The following ARMC8 variants were observed in gnomAD, a reference collection of about 807,000 sequenced individuals.
ARMC8 encodes armadillo repeat-containing protein 8.
ARMC8 carries 20 observed loss-of-function variants against 99.3 expected under a neutral mutation model. The ratio of observed to expected loss-of-function variants is 0.20; its 90% CI spans 0.14 to 0.29. The LOEUF is 0.29. ARMC8 is among the 10% of genes least tolerant of loss of function. The probability of loss-of-function intolerance (pLI) is 1.00; values close to 1 mark genes in which losing one functional copy is unlikely to be tolerated. For synonymous variants in ARMC8, 263 were observed against 278.3 expected (o/e 0.95, Z 0.55); for missense variants, 569 against 809.5 (o/e 0.70, Z 3.60).
At chr3:138,233,871 T>C (rs1284836148) in intron 6 of ARMC8, among the ~76,000 whole-genome samples, 2 of 152,216 alleles carry the variant, frequency 1.3e-5, no homozygotes, top group Non-Finnish European at 2.9e-5. Flanking sequence ...GCATGAAATA[T>C]CATCCCTGTG....
At position 138,268,584 on chromosome 3, in the gene ARMC8, C is replaced by T. The variant is rs181943799; in HGVS notation, c.1386+1343C>T. 1.6e-4 allele frequency among the ~76,000 whole-genome samples: 24 copies of T among 152,138 alleles called. No individual in the cohort carries two copies. In the Middle Eastern group the frequency reaches 0.01, roughly 65 times the overall value. On this transcript the variant is annotated intron_variant, in intron 15 of 21. Coordinates refer to ENST00000469044, the MANE Select transcript of ARMC8 (RefSeq NM_001363941.2). Reference sequence around the variant, plus strand: ...TTATATTGAAAAATTAACTCCCAACCGGGGCAACATAGCAAGACCTTGTCT... The same window carrying T: ...TTATATTGAAAAATTAACTCCCAACTGGGGCAACATAGCAAGACCTTGTCT...
intron 1 of ARMC8, among the ~76,000 whole-genome samples, chr3:138,200,615 A>G (rs1007731292): frequency 6.6e-6 from 1 of 152,030 alleles, no homozygotes; most frequent in African/African-American, 2.4e-5. Context: ...GTGACAGCCA[A>G]AATCATGTTT....
At chr3:138,206,842 C>T (rs2108013858) in intron 1 of ARMC8, among the ~76,000 whole-genome samples, 1 of 152,318 alleles carries the variant, frequency 6.6e-6, no homozygotes, top group South Asian at 2.1e-4. Context: ...AGCTTGCTTG[C>T]TGTCTGAGCA....
intron 9 of ARMC8, 170 bp from the exon 10 acceptor site, chr3:138,239,298 G>A (rs2046486849): frequency 3.8e-6 from 2 of 523,236 alleles, no homozygotes; most frequent in Non-Finnish European, 6.8e-6. Flanking sequence ...AGTTTTCTTT[G>A]ACTATTAAAT....
At chr3:138,265,862 T>C (rs756453676) in intron 14 of ARMC8, among the ~76,000 whole-genome samples, 3 of 152,158 alleles carry the variant, frequency 2.0e-5, no homozygotes, top group Non-Finnish European at 4.4e-5. Flanking sequence ...ACAGAGTATA[T>C]GATTTATGTG....
intron 14 of ARMC8, among the ~76,000 whole-genome samples, 159 bp downstream of exon 14, chr3:138,264,371 T>G (rs1401031572): frequency 1.3e-5 from 2 of 151,190 alleles, no homozygotes; most frequent in Non-Finnish European, 3.0e-5. Context: ...CATCTACAAA[T>G]GCTTCATGTG....
At chr3:138,289,167 G>T (rs771630214) in intron 20 of ARMC8, 47 bp downstream of exon 20, 1 of 1,467,974 alleles carries the variant, frequency 6.8e-7, no homozygotes, top group Admixed American at 1.8e-5. Flanking sequence ...TGGGAAGAGT[G>T]TCTTGCACAG....
intron 1 of ARMC8, among the ~76,000 whole-genome samples, chr3:138,196,261 G>C (rs771302928): frequency 1.3e-5 from 2 of 152,074 alleles, no homozygotes; most frequent in Non-Finnish European, 2.9e-5. Flanking sequence ...CTTCTGAGAC[G>C]GTGAGAATTA....
chr3:138,207,982 C>A (rs1293269070), intron 1 of ARMC8, among the ~76,000 whole-genome samples: 1 of 152,118 alleles, frequency 6.6e-6, no homozygotes, highest in East Asian at 1.9e-4. Context: ...AGCATTTGAG[C>A]TGGATGTAGT....
chr3:138,262,776 TC>T (rs1560008730), intron 12 of ARMC8, among the ~76,000 whole-genome samples: 1 of 152,110 alleles, frequency 6.6e-6, no homozygotes, highest in Non-Finnish European at 1.5e-5. Context: ...GAGTAACGAC[TC>T]CCATTAATGA....
chr3:138,233,177 A>G (rs536078604), intron 6 of ARMC8, among the ~76,000 whole-genome samples: 5 of 152,346 alleles, frequency 3.3e-5, no homozygotes, highest in Admixed American at 3.3e-4. Context: ...TGGCACTGGT[A>G]TCCAGTATCC....
Position 138,229,000 on chromosome 3 carries a change from A to G in ARMC8, c.518A>G (p.His173Arg), listed in dbSNP as rs2045839015. ...TQEYICQIFS[H>R]CCKGPDHQTI... Reference sequence around the variant, plus strand: ...GAGTACATCTGTCAGATCTTCTCACACTGCTGTAAAGTAAGAACCAGAATA... The same window carrying G: ...GAGTACATCTGTCAGATCTTCTCACGCTGCTGTAAAGTAAGAACCAGAATA... Residue 173 changes from histidine to arginine, a missense_variant, in exon 6 of 22, where the codon CAC becomes CGC. By Grantham distance (29) the His-to-Arg change is conservative. Coordinates refer to ENST00000469044, the MANE Select transcript of ARMC8 (RefSeq NM_001363941.2). The G allele has an allele frequency of 3.7e-6, 6 of 1,606,836 alleles. No homozygotes were observed. Among genetic ancestry groups the G allele is most frequent in the Non-Finnish European group, 5.1e-6 (6 of 1,175,474 alleles).
intron 7 of ARMC8, 35 bp downstream of exon 7, chr3:138,235,149 C>A: frequency 7.0e-7 from 1 of 1,428,650 alleles, no homozygotes; most frequent in Non-Finnish European, 9.8e-7. Flanking sequence ...GATTTGTATA[C>A]CTTGTTTGTG....
intron 17 of ARMC8, among the ~76,000 whole-genome samples, chr3:138,274,020 G>C (rs1418539262): frequency 6.6e-6 from 1 of 152,024 alleles, no homozygotes; most frequent in African/African-American, 2.4e-5. Flanking sequence ...GTTTTGCCGT[G>C]TTGGCCAGGC....
chr3:138,234,439 A>T (rs1282852399), intron 6 of ARMC8, among the ~76,000 whole-genome samples: 1 of 152,176 alleles, frequency 6.6e-6, no homozygotes, highest in Admixed American at 6.5e-5. Flanking sequence ...GAAAAATGAG[A>T]TAGAAATATG....
rs776320900 is a variant in ARMC8, at chr3:138,271,798, C to CTTTTTTTTTTTTTTTT, written c.1480-1154_1480-1153insTTTTTTTTTTTTTTTT. Among the ~76,000 whole-genome samples the CTTTTTTTTTTTTTTTT allele has an allele frequency of 1.7e-3, 236 of 136,050 alleles. 7 individuals carry two copies. The highest frequency in any genetic ancestry group is 6.3e-3 in the African/African-American group (221 of 35,210). The allele number at this position is 136,050 out of a possible 152,430, so 89.3% of individuals were successfully genotyped here. ...AGTTCACAAGATTTTTTTTTTCTTTCTTTTTTTTTTTTTTTGATACAGAGT... is the reference window on the plus strand; with the variant it reads ...AGTTCACAAGATTTTTTTTTTCTTTCTTTTTTTTTTTTTTTTTTTTTTTTTTTTTTTGATACAGAGT... On this transcript the variant is annotated intron_variant, in intron 16 of 21. Transcript: ENST00000469044.
chr3:138,243,989 C>A (rs562733609), intron 11 of ARMC8, among the ~76,000 whole-genome samples: 1 of 152,194 alleles, frequency 6.6e-6, no homozygotes, highest in Non-Finnish European at 1.5e-5. Flanking sequence ...TGTATAGTTA[C>A]TTGGTCATAG....
At chr3:138,205,263 CTGG>C (rs1318309502) in intron 1 of ARMC8, among the ~76,000 whole-genome samples, 1 of 151,306 alleles carries the variant, frequency 6.6e-6, no homozygotes, top group Non-Finnish European at 1.5e-5. Flanking sequence ...CTTGGCCAGG[CTGG>C]TCTCGATCTC....
Position 138,221,981 on chromosome 3 carries a change from T to C in ARMC8, c.178T>C (p.Leu60=), listed in dbSNP as rs1324887977. The C allele has an allele frequency of 1.2e-6, 2 of 1,613,534 alleles. No homozygotes were observed. The highest frequency in any genetic ancestry group is 1.3e-5 in the African/African-American group (1 of 75,038). Residue 60 remains leucine (L), a synonymous_variant, in exon 3 of 22, where the codon TTA becomes CTA. Transcript: ENST00000469044. ...NNKQKANLIV[L]GAVPRLLYLL... is the part of the protein sequence containing the mutation. Reference sequence around the variant, plus strand: ...CAAGCAGAAAGCCAATCTCATTGTTTTAGGAGCTGTTCCAAGGTATGTTTG... The same window carrying C: ...CAAGCAGAAAGCCAATCTCATTGTTCTAGGAGCTGTTCCAAGGTATGTTTG...
Sources: gnomAD v4.1 joint callset for allele counts (sites outside exome capture counted in the v4.1 genomes callset) on GRCh38, gnomAD v4.1.1 for gene constraint, MANE v1.5 for transcripts, NCBI Gene and HGNC (gene_info 2026-07-23, HGNC 2026-07-21) for gene names.